The following NTNG1 variants were observed in gnomAD, a reference collection of about 807,000 sequenced individuals.
The protein encoded by NTNG1 is netrin-G1.
Under a neutral mutation model 54.0 loss-of-function variants are expected in NTNG1, and 16 were observed. The ratio of observed to expected loss-of-function variants is 0.30; its 90% CI spans 0.20 to 0.45. NTNG1 has a LOEUF of 0.45. Ranked by LOEUF, NTNG1 falls within the 20% of genes least tolerant of loss-of-function variation. The pLI, the probability that NTNG1 is intolerant of heterozygous loss-of-function variation, is 1.00. For synonymous variants in NTNG1, 255 were observed against 263.1 expected, an observed-to-expected ratio of 0.97 and a Z score of 0.30; for missense variants, 530 against 678.7, an observed-to-expected ratio of 0.78 and a Z score of 2.43.
intron 2 of NTNG1, among the ~76,000 whole-genome samples, chr1:107,184,068 C>T (rs139784857): frequency 5.9e-5 from 9 of 152,254 alleles, no homozygotes; most frequent in South Asian, 2.1e-4. Context: ...TGTTCACAAC[C>T]TTTCTACATG....
At chr1:107,218,058 A>G (rs555643060) in intron 2 of NTNG1, among the ~76,000 whole-genome samples, 4 of 152,236 alleles carry the variant, frequency 2.6e-5, no homozygotes, top group South Asian at 2.1e-4. Context: ...GTCCCACACT[A>G]TTATTGTGTT....
At chr1:107,426,700 T>C (rs971764059) in intron 5 of NTNG1, among the ~76,000 whole-genome samples, 5 of 151,962 alleles carry the variant, frequency 3.3e-5, no homozygotes, top group Non-Finnish European at 7.4e-5. Context: ...TCAGGATTGG[T>C]TTTTCTGATT....
chr1:107,470,373 G>A (rs1677903414), intron 7 of NTNG1, among the ~76,000 whole-genome samples: 4 of 152,266 alleles, frequency 2.6e-5, no homozygotes, highest in East Asian at 1.9e-4. Flanking sequence ...TTTGGAAAGA[G>A]TGAAAAGTAT....
chr1:107,248,876 T>A (rs1392649471), intron 2 of NTNG1, among the ~76,000 whole-genome samples: 1 of 151,108 alleles, frequency 6.6e-6, no homozygotes, highest in Non-Finnish European at 1.5e-5. Flanking sequence ...AGGCCGGGGG[T>A]GGTGGCTCAT....
At position 107,203,590 on chromosome 1, in the gene NTNG1, G is replaced by A. The variant is rs61800228; in HGVS notation, c.246+54751G>A. On this transcript the variant is annotated intron_variant, in intron 2 of 7. Coordinates refer to ENST00000370068, the MANE Select transcript of NTNG1 (RefSeq NM_001113226.3). ...ATATAGTTACTGTGTGTGTGTGTGT[G>A]TATATATATACACATATATATAGCT... 6.9e-3 allele frequency among the ~76,000 whole-genome samples: 758 copies of A among 110,150 alleles called. 5 individuals are homozygous for A. The highest frequency in any genetic ancestry group is 0.018 in the African/African-American group (628 of 34,782). The allele number at this position is 110,150 out of a possible 152,430, so 72.3% of individuals were successfully genotyped here.
Position 107,436,665 on chromosome 1 carries a change from A to G in NTNG1, c.1256A>G (p.Glu419Gly), listed in dbSNP as rs1379952990. The change falls in exon 7 of 8, where the codon GAG becomes GGG. Residue 419 changes from glutamate to glycine, a missense_variant and splice_region_variant. By Grantham distance (98) the Glu-to-Gly change is moderately conservative (BLOSUM62 -2). Around this residue, in one of 2 missense-constraint regions of NTNG1, gnomAD observed 212 missense variants for 213.6 expected, o/e 0.99. Transcript: ENST00000370068. ...AQLDDENVCI[E>G]CYCNPLGSIH... ...CCTGTGTGTTGTCTTGTTTCTACAG[A>G]GTGTTATTGTAACCCTTTGGGCTCA... 2.5e-6 allele frequency: 4 copies of G among 1,611,968 alleles called. No homozygotes were observed. The highest frequency in any genetic ancestry group is 1.1e-5 in the South Asian group (1 of 90,650).
chr1:107,324,565 A>G lies in NTNG1; in HGVS notation c.530A>G (p.Tyr177Cys). The G allele has an allele frequency of 6.2e-7, 1 of 1,613,780 alleles. No individual in the cohort carries two copies. The highest frequency in any genetic ancestry group is 8.5e-7 in the Non-Finnish European group (1 of 1,179,862). The change falls in exon 3 of 8, where the codon TAT becomes TGT. Residue 177 changes from tyrosine (Y) to cysteine (C), a missense_variant. Tyr to Cys is a radical substitution (Grantham distance 194). Coordinates refer to ENST00000370068, the MANE Select transcript of NTNG1 (RefSeq NM_001113226.3). Reference sequence around the variant, plus strand: ...GGACGAACATGGCAGCCCTATCAGTATTATGCCACAGACTGCTTAGATGCT... The same window carrying G: ...GGACGAACATGGCAGCCCTATCAGTGTTATGCCACAGACTGCTTAGATGCT... ...DYGRTWQPYQ[Y>C]YATDCLDAFH...
At chr1:107,223,621 T>C (rs1660492789) in intron 2 of NTNG1, among the ~76,000 whole-genome samples, 1 of 152,198 alleles carries the variant, frequency 6.6e-6, no homozygotes, top group Non-Finnish European at 1.5e-5. Flanking sequence ...TATTTTCTCC[T>C]TTTCATCAAT....
intron 2 of NTNG1, among the ~76,000 whole-genome samples, chr1:107,305,119 C>G (rs139934287): frequency 0.071 from 10,822 of 152,150 alleles, 578 homozygotes; most frequent in East Asian, 0.19. Flanking sequence ...GCCATATTTT[C>G]TTTATCCAGT....
At chr1:107,476,585 G>C (rs1403297029) in intron 7 of NTNG1, among the ~76,000 whole-genome samples, 5 of 152,246 alleles carry the variant, frequency 3.3e-5, no homozygotes, top group Non-Finnish European at 7.3e-5. Flanking sequence ...CAAACAGGAA[G>C]CTTAGACTCT....
intron 3 of NTNG1, among the ~76,000 whole-genome samples, chr1:107,356,368 A>G (rs910449636): frequency 7.2e-5 from 11 of 152,114 alleles, no homozygotes; most frequent in African/African-American, 2.7e-4. Flanking sequence ...ATCTCAGCTG[A>G]CTGCAACCTC....
intron 2 of NTNG1, among the ~76,000 whole-genome samples, chr1:107,154,977 A>G (rs1458953386): frequency 2.6e-5 from 4 of 152,090 alleles, no homozygotes; most frequent in Non-Finnish European, 5.9e-5. Context: ...AATGCTTTGC[A>G]GTGGAATACT....
chr1:107,177,096 G>A (rs1043736073), intron 2 of NTNG1, among the ~76,000 whole-genome samples: 2 of 152,122 alleles, frequency 1.3e-5, no homozygotes, highest in Non-Finnish European at 2.9e-5. Context: ...CATGATAGCT[G>A]CTATTCTAAT....
At chr1:107,338,509 G>A (rs1006227786) in intron 3 of NTNG1, among the ~76,000 whole-genome samples, 1 of 151,900 alleles carries the variant, frequency 6.6e-6, no homozygotes, top group Non-Finnish European at 1.5e-5. Flanking sequence ...CTCTTAAGTA[G>A]TAACTGGATC....
chr1:107,347,659 C>T (rs750543720), intron 3 of NTNG1, among the ~76,000 whole-genome samples: 1 of 152,152 alleles, frequency 6.6e-6, no homozygotes, highest in Non-Finnish European at 1.5e-5. Context: ...TCCATTCTCA[C>T]ACTGCTATGA....
intron 3 of NTNG1, among the ~76,000 whole-genome samples, chr1:107,386,318 C>T (rs866837131): frequency 5.9e-5 from 9 of 151,678 alleles, no homozygotes; most frequent in South Asian, 2.1e-4. Flanking sequence ...TACAGGCGCC[C>T]GCCACCAGGC....
chr1:107,304,569 A>G (rs747356147), intron 2 of NTNG1, among the ~76,000 whole-genome samples: 7 of 152,130 alleles, frequency 4.6e-5, no homozygotes, highest in Admixed American at 1.3e-4. Context: ...GAAATCTCCA[A>G]TTATTTTTCT....
At chr1:107,347,864 C>T (rs1669346445) in intron 3 of NTNG1, among the ~76,000 whole-genome samples, 2 of 152,052 alleles carry the variant, frequency 1.3e-5, no homozygotes, top group Admixed American at 1.3e-4. Context: ...ATCATCAGAT[C>T]TCGTGAGAAC....
At chr1:107,361,695 A>G (rs1490376994) in intron 3 of NTNG1, among the ~76,000 whole-genome samples, 1 of 151,956 alleles carries the variant, frequency 6.6e-6, no homozygotes, top group Non-Finnish European at 1.5e-5. Flanking sequence ...GCCAGAAAAA[A>G]GCAAATATTT....
Sources: allele counts gnomAD v4.1 joint callset (sites outside exome capture counted in the v4.1 genomes callset), GRCh38; gene constraint gnomAD v4.1.1; regional missense constraint gnomAD v4.1.1; transcripts MANE v1.5; gene names NCBI Gene and HGNC (gene_info 2026-07-23, HGNC 2026-07-21).